MAST4: variants seen among roughly 807,000 people sequenced by gnomAD.
The protein encoded by MAST4 is microtubule-associated serine/threonine-protein kinase 4.
Under a neutral mutation model 162.7 loss-of-function variants are expected in MAST4, and 89 were observed. The ratio of observed to expected loss-of-function variants is 0.55; its 90% CI spans 0.46 to 0.65. The LOEUF is 0.65. Ranked by LOEUF, MAST4 falls within the 30% of genes least tolerant of loss-of-function variation. The probability of loss-of-function intolerance (pLI) is 0.00; values close to 1 mark genes in which losing one functional copy is unlikely to be tolerated. For missense variants in MAST4, 3,153 were observed against 3,374.0 expected (o/e 0.93, Z 1.62); for synonymous variants, 1,479 against 1,361.1 (o/e 1.09, Z -1.91).
At chr5:66,901,834 C>A (rs1763030066) in intron 4 of MAST4, among the ~76,000 whole-genome samples, 1 of 151,430 alleles carries the variant, frequency 6.6e-6, no homozygotes, top group Non-Finnish European at 1.5e-5. Flanking sequence ...GTGCTAGAAC[C>A]CAGTGTCACT....
chr5:67,035,008 C>G (rs1251059093), intron 4 of MAST4, among the ~76,000 whole-genome samples: 4 of 152,134 alleles, frequency 2.6e-5, no homozygotes, highest in African/African-American at 4.8e-5. Flanking sequence ...CATTCACTTT[C>G]AAATCTCTGC....
At chr5:66,734,799 T>C (rs1291555363) in intron 1 of MAST4, among the ~76,000 whole-genome samples, 1 of 152,250 alleles carries the variant, frequency 6.6e-6, no homozygotes, top group African/African-American at 2.4e-5. Flanking sequence ...CGGCACAGTG[T>C]TGGAAGCTTG....
intron 3 of MAST4, among the ~76,000 whole-genome samples, chr5:66,879,779 C>T (rs1334530150): frequency 6.6e-6 from 1 of 152,218 alleles, no homozygotes; most frequent in Non-Finnish European, 1.5e-5. Context: ...TCCCAAAGTT[C>T]TGGGATTACA....
At chr5:66,991,041 C>A (rs1750017959) in intron 4 of MAST4, among the ~76,000 whole-genome samples, 1 of 152,162 alleles carries the variant, frequency 6.6e-6, no homozygotes, top group Non-Finnish European at 1.5e-5. Context: ...AGAAGAAATT[C>A]TGTCCTAAAC....
At chr5:67,110,313 G>A in intron 11 of MAST4, 114 bp downstream of exon 11, 1 of 738,678 alleles carries the variant, frequency 1.4e-6, no homozygotes, top group Non-Finnish European at 2.4e-6. Flanking sequence ...AAGAGTCAAA[G>A]GGAATTACAA....
chr5:66,926,414 G>A (rs978983299), intron 4 of MAST4, among the ~76,000 whole-genome samples: 3 of 152,078 alleles, frequency 2.0e-5, no homozygotes, highest in Admixed American at 6.6e-5. Context: ...CGGCATGGTG[G>A]TGTGCACCTG....
intron 5 of MAST4, among the ~76,000 whole-genome samples, chr5:67,071,396 C>T (rs1016944230): frequency 6.6e-6 from 1 of 152,040 alleles, no homozygotes; most frequent in African/African-American, 2.4e-5. Flanking sequence ...TAGATAAAAT[C>T]ATATATTCAA....
intron 3 of MAST4, among the ~76,000 whole-genome samples, chr5:66,790,856 G>C (rs1410827387): frequency 6.6e-6 from 1 of 151,520 alleles, no homozygotes; most frequent in Non-Finnish European, 1.5e-5. Context: ...AAGGAAAGAG[G>C]AAAATACTTC....
In MAST4 at chr5:67,164,606, C is replaced by G; in HGVS notation, c.5427C>G (p.Leu1809=). The change falls in exon 29 of 29, where the codon CTC becomes CTG. Residue 1809 remains leucine (L), a synonymous_variant. Transcript: ENST00000403625. The surrounding 1 kb of genome is among the most constrained non-coding windows in gnomAD (Gnocchi z 5.3). The stretch of plus-strand genomic sequence containing the variant: ...TCGAGGGCACTCTGGACATTGCTCT[C>G]CTGTCCGGACCTCAGGCCTCCAAGA... ...KPIEGTLDIA[L]LSGPQASKTE... 1 of 1,614,014 alleles carries G rather than the reference C, an allele frequency of 6.2e-7. No homozygotes were observed. Among genetic ancestry groups the G allele is most frequent in the Non-Finnish European group, 8.5e-7 (1 of 1,179,898 alleles).
chr5:66,696,747 A>AT (rs10711159), intron 1 of MAST4, among the ~76,000 whole-genome samples: 342 of 150,208 alleles, frequency 2.3e-3, no homozygotes, highest in Middle Eastern at 3.5e-3. Flanking sequence ...TATCATCTGC[A>AT]TTTTTTTTTT....
chr5:66,856,049 A>G (rs1032920912), intron 3 of MAST4, among the ~76,000 whole-genome samples: 3 of 152,138 alleles, frequency 2.0e-5, no homozygotes, highest in Non-Finnish European at 2.9e-5. Flanking sequence ...CTGTGGTCCC[A>G]CTTAGGAGGC....
chr5:66,707,709 C>G (rs752103921), intron 1 of MAST4, among the ~76,000 whole-genome samples: 5 of 152,064 alleles, frequency 3.3e-5, no homozygotes, highest in Non-Finnish European at 7.3e-5. Context: ...ATTCTGAGTT[C>G]TGGGGGTTAG....
chr5:66,814,593 T>C (rs1336235393), intron 3 of MAST4, among the ~76,000 whole-genome samples: 3 of 152,178 alleles, frequency 2.0e-5, no homozygotes, highest in Admixed American at 6.5e-5. Context: ...ATGAAGGTGG[T>C]AGTTTGTCCA....
chr5:67,117,339 T>A (rs1189281129), intron 12 of MAST4, among the ~76,000 whole-genome samples: 3 of 152,156 alleles, frequency 2.0e-5, no homozygotes, highest in Non-Finnish European at 2.9e-5. Flanking sequence ...ATAGGTAAAC[T>A]GAGAAAGTTA....
intron 3 of MAST4, among the ~76,000 whole-genome samples, chr5:66,869,449 T>C (rs1206150869): frequency 6.6e-6 from 1 of 151,994 alleles, no homozygotes; most frequent in East Asian, 1.9e-4. Context: ...GTCAGCCGAG[T>C]TTCAAGACTA....
intron 3 of MAST4, among the ~76,000 whole-genome samples, chr5:66,874,293 A>G (rs560778084): frequency 1.3e-5 from 2 of 152,316 alleles, no homozygotes; most frequent in African/African-American, 4.8e-5. Context: ...TTATTTGTAG[A>G]GCTGGTAAAG....
chr5:66,688,056 T>G (rs1218463212), intron 1 of MAST4, among the ~76,000 whole-genome samples: 1 of 152,216 alleles, frequency 6.6e-6, no homozygotes, highest in Admixed American at 6.5e-5. Context: ...TGTTCTCTGT[T>G]GGGTAAACCT....
At chr5:67,145,406 GTCC>G (rs773884128) in intron 23 of MAST4, 27 bp downstream of exon 23, 29 of 1,592,532 alleles carry the variant, frequency 1.8e-5, no homozygotes, top group Non-Finnish European at 2.1e-5. Flanking sequence ...AGTGCCTGCT[GTCC>G]TCCTCACCAC....
chr5:66,840,736 G>A (rs1758363800), intron 3 of MAST4, among the ~76,000 whole-genome samples: 1 of 152,116 alleles, frequency 6.6e-6, no homozygotes, highest in Non-Finnish European at 1.5e-5. Flanking sequence ...AATATACCCA[G>A]GGTAGCTACT....
Sources: allele counts gnomAD v4.1 joint callset (sites outside exome capture counted in the v4.1 genomes callset), GRCh38; gene constraint gnomAD v4.1.1; non-coding constraint Gnocchi (gnomAD v3.1); transcripts MANE v1.5; gene names NCBI Gene and HGNC (gene_info 2026-07-23, HGNC 2026-07-21).